The following GPM6A variants were observed in gnomAD, a reference collection of about 807,000 sequenced individuals.
The protein encoded by GPM6A is neuronal membrane glycoprotein M6-a.
Under a neutral mutation model 32.1 loss-of-function variants are expected in GPM6A, and 7 were observed. The ratio of observed to expected loss-of-function variants is 0.22; its 90% CI spans 0.12 to 0.41. The LOEUF is 0.41. Ranked by LOEUF, GPM6A falls within the 10% of genes least tolerant of loss-of-function variation. The pLI, the probability that GPM6A is intolerant of heterozygous loss-of-function variation, is 1.00. For missense variants in GPM6A, 235 were observed against 347.2 expected (o/e 0.68, Z 2.57); for synonymous variants, 130 against 123.4 (o/e 1.05, Z -0.35).
At chr4:175,939,252 G>A (rs908815801) in intron 1 of GPM6A, among the ~76,000 whole-genome samples, 1 of 152,102 alleles carries the variant, frequency 6.6e-6, no homozygotes, top group African/African-American at 2.4e-5. Flanking sequence ...GCTGCTGCAG[G>A]GCCAAAGAGC....
rs60803285 is a variant in GPM6A at position 175,734,795 on chromosome 4, C to A, written c.38-33028G>T. Among the ~76,000 whole-genome samples the A allele has an allele frequency of 2.7e-3, 418 of 152,206 alleles. 2 individuals carry two copies. Among genetic ancestry groups the A allele is most frequent in the African/African-American group, 9.4e-3 (389 of 41,510 alleles). The stretch of plus-strand genomic sequence containing the variant: ...GGCTGAGGCAAGAGAATCGCTTGAA[C>A]CTGGGAAGTGAAGGTTGCAGTGAGC... On this transcript the variant is annotated intron_variant, in intron 1 of 6. Transcript: ENST00000393658.
At chr4:175,936,635 A>G (rs1739244814) in intron 1 of GPM6A, among the ~76,000 whole-genome samples, 2 of 152,156 alleles carry the variant, frequency 1.3e-5, no homozygotes, top group South Asian at 4.1e-4. Flanking sequence ...TCAGAATGTC[A>G]AGATATGTAA....
chr4:176,001,968 TCCCAAATACCGCC>T (rs879815607), intron 1 of GPM6A, among the ~76,000 whole-genome samples: 6 of 152,122 alleles, frequency 3.9e-5, no homozygotes, highest in Admixed American at 6.5e-5. Context: ...TTTCTTTATT[TCCCAAATACCGCC>T]CCCAGCACGG....
intron 1 of GPM6A, 49 bp downstream of exon 1, chr4:175,812,142 A>G: frequency 7.2e-7 from 1 of 1,389,022 alleles, no homozygotes. Context: ...CAAACAAGGA[A>G]ACTGCAAAAT....
intron 2 of GPM6A, among the ~76,000 whole-genome samples, chr4:175,684,282 C>A (rs975035717): frequency 1.3e-5 from 2 of 152,064 alleles, no homozygotes; most frequent in Non-Finnish European, 2.9e-5. Flanking sequence ...TACTATGCAA[C>A]TTTAAAAAAA....
chr4:175,896,924 G>A (rs1455672869), intron 1 of GPM6A, among the ~76,000 whole-genome samples: 1 of 151,744 alleles, frequency 6.6e-6, no homozygotes, highest in Non-Finnish European at 1.5e-5. Context: ...TTTGAATAGT[G>A]TATCAGGGAA....
intron 1 of GPM6A, among the ~76,000 whole-genome samples, chr4:175,714,771 T>G (rs912680888): frequency 1.4e-5 from 2 of 146,768 alleles, no homozygotes; most frequent in Non-Finnish European, 3.1e-5. Context: ...ATTCAGACCG[T>G]TTTTTTTTAA....
intron 1 of GPM6A, among the ~76,000 whole-genome samples, chr4:175,760,894 G>A (rs1481668396): frequency 6.6e-6 from 1 of 152,132 alleles, no homozygotes; most frequent in Non-Finnish European, 1.5e-5. Context: ...ACATCTTGAT[G>A]ACCACAGAAT....
intron 1 of GPM6A, among the ~76,000 whole-genome samples, chr4:175,920,677 G>A (rs908378809): frequency 1.3e-5 from 2 of 151,930 alleles, no homozygotes; most frequent in African/African-American, 2.4e-5. Context: ...ATGAAACCCC[G>A]TCTTTACTAA....
chr4:175,693,938 G>A (rs1263346624), intron 2 of GPM6A, among the ~76,000 whole-genome samples: 3 of 152,076 alleles, frequency 2.0e-5, no homozygotes, highest in East Asian at 1.9e-4. Context: ...GTGAGTGAGT[G>A]AGTTACGGTG....
At chr4:175,688,228 C>T (rs1191930801) in intron 2 of GPM6A, among the ~76,000 whole-genome samples, 1 of 152,032 alleles carries the variant, frequency 6.6e-6, no homozygotes, top group Non-Finnish European at 1.5e-5. Flanking sequence ...ATTATTTTTG[C>T]TTTTGTGACC....
chr4:175,658,057 T>C (rs1319935059), intron 3 of GPM6A, among the ~76,000 whole-genome samples: 1 of 152,226 alleles, frequency 6.6e-6, no homozygotes, highest in Non-Finnish European at 1.5e-5. Context: ...GTCAGCATTA[T>C]AGCCCAAAAC....
intron 1 of GPM6A, chr4:175,800,775 CA>C (rs778727774): frequency 5.1e-6 from 1 of 196,412 alleles, no homozygotes; most frequent in Non-Finnish European, 1.2e-5. Flanking sequence ...TTAAGGACCA[CA>C]AAACAGCCTT....
intron 2 of GPM6A, among the ~76,000 whole-genome samples, chr4:175,675,750 A>C (rs1743327219): frequency 6.6e-6 from 1 of 152,114 alleles, no homozygotes; most frequent in Admixed American, 6.6e-5. Flanking sequence ...CCTGGACTCA[A>C]GTGATCCTCT....
At chr4:175,752,362 C>A (rs1732369163) in intron 1 of GPM6A, among the ~76,000 whole-genome samples, 1 of 152,078 alleles carries the variant, frequency 6.6e-6, no homozygotes, top group South Asian at 2.1e-4. Flanking sequence ...CTAAACAGTT[C>A]CCTGATTTAG....
At chr4:175,926,741 C>T (rs1738851833) in intron 1 of GPM6A, among the ~76,000 whole-genome samples, 2 of 152,046 alleles carry the variant, frequency 1.3e-5, no homozygotes, top group Non-Finnish European at 2.9e-5. Flanking sequence ...ACAGGAACCT[C>T]AACATGTAGA....
chr4:175,824,890 G>A (rs1218762442), intron 1 of GPM6A, among the ~76,000 whole-genome samples: 1 of 152,118 alleles, frequency 6.6e-6, no homozygotes, highest in South Asian at 2.1e-4. Flanking sequence ...GAATATAAAA[G>A]TCTCTCAAAA....
At chr4:176,001,322 T>A (rs564633756) in intron 1 of GPM6A, among the ~76,000 whole-genome samples, 1 of 152,240 alleles carries the variant, frequency 6.6e-6, no homozygotes, top group South Asian at 2.1e-4. Context: ...GAAGAGTAAC[T>A]CGGGCTGCGG....
At chr4:175,857,767 A>G (rs951466857) in intron 1 of GPM6A, among the ~76,000 whole-genome samples, 1 of 152,116 alleles carries the variant, frequency 6.6e-6, no homozygotes, top group Non-Finnish European at 1.5e-5. Context: ...CTAACACCAT[A>G]CTTAATGATA....
Sources: gnomAD v4.1 joint callset for allele counts (sites outside exome capture counted in the v4.1 genomes callset) on GRCh38, gnomAD v4.1.1 for gene constraint, MANE v1.5 for transcripts, NCBI Gene and HGNC (gene_info 2026-07-23, HGNC 2026-07-21) for gene names.